Variants in MPP3 observed in about 807,000 individuals in gnomAD.
The protein encoded by MPP3 is MAGUK p55 scaffold protein 3.
In MPP3, 48 loss-of-function variants were observed where a neutral mutation model predicts 80.7. That is an observed-to-expected ratio of 0.59 (90% CI 0.47 to 0.76). The LOEUF (loss-of-function observed/expected upper bound fraction) is 0.76, where lower values mean the gene tolerates loss of function less well. MPP3 is among the 30% of genes least tolerant of loss of function. The pLI is 0.00. For missense variants in MPP3, 620 were observed against 763.0 expected (o/e 0.81, Z 2.21); for synonymous variants, 311 against 297.6 (o/e 1.04, Z -0.46).
intron 8 of MPP3, among the ~76,000 whole-genome samples, chr17:43,827,323 T>C (rs1312009281): frequency 1.4e-5 from 2 of 143,154 alleles, no homozygotes; most frequent in African/African-American, 2.6e-5. Context: ...GCTTTTTTTT[T>C]TTTTTCTTTT....
At chr17:43,815,514 ATTGT>A in intron 14 of MPP3, among the ~76,000 whole-genome samples, 1 of 152,036 alleles carries the variant, frequency 6.6e-6, no homozygotes, top group Middle Eastern at 3.4e-3. Flanking sequence ...AGGTGGGAGG[ATTGT>A]TTGAGCCTAG....
At chr17:43,808,916 C>T (rs572695602) in intron 19 of MPP3, 40 bp downstream of exon 19, 31 of 1,578,948 alleles carry the variant, frequency 2.0e-5, no homozygotes, top group East Asian at 4.5e-5. Context: ...AACAGCCTCC[C>T]TTAGGCCTTC....
intron 8 of MPP3, 88 bp from the exon 9 acceptor site, chr17:43,825,929 G>A (rs2045676849): frequency 1.2e-6 from 1 of 830,226 alleles, no homozygotes; most frequent in Admixed American, 1.9e-5. Flanking sequence ...GGGCCGGCCT[G>A]AGAAGCCCAC....
At chr17:43,820,114 T>A (rs2045350842) in intron 11 of MPP3, among the ~76,000 whole-genome samples, 1 of 151,972 alleles carries the variant, frequency 6.6e-6, no homozygotes, top group South Asian at 2.1e-4. Flanking sequence ...CCCAGCTAAT[T>A]TTTTATTTTT....
At chr17:43,807,594 C>T (rs1363987442) in intron 19 of MPP3, among the ~76,000 whole-genome samples, 1 of 152,050 alleles carries the variant, frequency 6.6e-6, no homozygotes, top group Non-Finnish European at 1.5e-5. Flanking sequence ...TGCTGAGACA[C>T]AGGTGTGAGC....
intron 19 of MPP3, among the ~76,000 whole-genome samples, chr17:43,807,694 A>T (rs1443347299): frequency 6.6e-6 from 1 of 152,050 alleles, no homozygotes; most frequent in African/African-American, 2.4e-5. Context: ...GGTGGCTCAC[A>T]CCTGTAATCC....
intron 19 of MPP3, among the ~76,000 whole-genome samples, chr17:43,802,935 A>T (rs1006311797): frequency 5.9e-5 from 9 of 152,268 alleles, no homozygotes; most frequent in Non-Finnish European, 1.0e-4. Flanking sequence ...TCAGGATTCG[A>T]GTCCTCAAGA....
rs768961570 is a variant in MPP3 at position 43,824,022 on chromosome 17, C to T, written c.610-17G>A. On this transcript the variant is annotated splice_polypyrimidine_tract_variant and intron_variant, in intron 9 of 19. Transcript: ENST00000398389. ...GGACTGGGCCTGAAACGAAAGAGAA[C>T]AGAAGCTTCTCGCCTACCAGGTCTA... 1.9e-6 allele frequency: 3 copies of T among 1,583,246 alleles called. No individual in the cohort carries two copies. Among genetic ancestry groups the T allele is most frequent in the Non-Finnish European group, 1.7e-6 (2 of 1,158,000 alleles).
intron 8 of MPP3, 82 bp from the exon 9 acceptor site, chr17:43,825,923 C>CCA (rs2045675917): frequency 1.1e-6 from 1 of 885,638 alleles, no homozygotes; most frequent in African/African-American, 1.6e-5. Context: ...CCACAGGGGC[C>CCA]GGCCTGAGAA....
intron 5 of MPP3, 42 bp downstream of exon 5, chr17:43,831,202 G>A (rs943037213): frequency 1.5e-5 from 23 of 1,574,046 alleles, no homozygotes; most frequent in Non-Finnish European, 1.9e-5. Context: ...CCTACAGGGT[G>A]GGGAGTGGGG....
rs1255077451 is a variant in MPP3 at position 43,810,813 on chromosome 17, C to T, written c.1452G>A (p.Glu484=). The T allele has an allele frequency of 1.2e-6, 2 of 1,604,742 alleles. No homozygotes were observed. Among genetic ancestry groups the T allele is most frequent in the South Asian group, 1.1e-5 (1 of 88,968 alleles). ...AGCAGGCCCAGCAACTCACTTCTGG[C>T]TCCACATCCACCAAACAAACTTTGT... The part of the protein sequence containing the change: ...AKNKVCLVDV[E]PEALKQLRTS... The change falls in exon 18 of 20, where the codon GAG becomes GAA. Residue 484 remains glutamate, a synonymous_variant. Transcript: ENST00000398389.
intron 16 of MPP3, among the ~76,000 whole-genome samples, chr17:43,812,275 C>T (rs2044898756): frequency 6.6e-6 from 1 of 152,204 alleles, no homozygotes; most frequent in Non-Finnish European, 1.5e-5. Flanking sequence ...GGCACTGTGT[C>T]TTCTGGCCCA....
At chr17:43,805,640 CATGA>C (rs2044585432) in intron 19 of MPP3, among the ~76,000 whole-genome samples, 1 of 152,134 alleles carries the variant, frequency 6.6e-6, no homozygotes, top group African/African-American at 2.4e-5. Flanking sequence ...AGTATTGATA[CATGA>C]ATGAACTTTA....
intron 7 of MPP3, among the ~76,000 whole-genome samples, chr17:43,829,150 C>T (rs961005042): frequency 6.6e-6 from 1 of 152,138 alleles, no homozygotes; most frequent in African/African-American, 2.4e-5. Flanking sequence ...GAGGAATGCC[C>T]TGTGCTTCCT....
chr17:43,815,733 A>C, intron 14 of MPP3: 1 of 603,308 alleles, frequency 1.7e-6, no homozygotes, highest in Non-Finnish European at 3.1e-6. Flanking sequence ...TAGTGGTGTT[A>C]ATATTGAATA....
chr17:43,808,869 G>T, intron 19 of MPP3, 87 bp downstream of exon 19: 1 of 1,448,922 alleles, frequency 6.9e-7, no homozygotes, highest in Non-Finnish European at 9.2e-7. Context: ...TCCCTCTTCA[G>T]CTGCAAGCAC....
intron 19 of MPP3, among the ~76,000 whole-genome samples, chr17:43,808,495 G>A (rs965704799): frequency 6.6e-6 from 1 of 152,248 alleles, no homozygotes; most frequent in Admixed American, 6.5e-5. Flanking sequence ...GGACACATCA[G>A]ACGATCTCAT....
chr17:43,832,744 C>G lies in MPP3; in HGVS notation c.-38+17G>C, dbSNP rs9896686. ...GCCTCCGCCCCGCCCCGCCCCGCCA[C>G]GCCACGCCGGACTCACCCTCGGGCT... On this transcript the variant is annotated intron_variant, in intron 2 of 19. Coordinates refer to ENST00000398389, the MANE Select transcript of MPP3 (RefSeq NM_001932.6). The G allele has an allele frequency of 2.0e-5, 3 of 152,736 alleles. No individual in the cohort carries two copies. The highest frequency in any genetic ancestry group is 7.2e-5 in the African/African-American group (3 of 41,548). The allele number at this position is 152,736 out of a possible 1,614,324, so 9.5% of individuals were successfully genotyped here.
At chr17:43,825,895 C>G in intron 8 of MPP3, 54 bp from the exon 9 acceptor site, 1 of 1,134,002 alleles carries the variant, frequency 8.8e-7, no homozygotes, top group Non-Finnish European at 1.3e-6. Context: ...GAGCACCCCT[C>G]GCTCAGAGCT....
Sources: allele counts gnomAD v4.1 joint callset (sites outside exome capture counted in the v4.1 genomes callset), GRCh38; gene constraint gnomAD v4.1.1; transcripts MANE v1.5; gene names NCBI Gene and HGNC (gene_info 2026-07-23, HGNC 2026-07-21).